Variants in PTPRM observed in about 807,000 individuals in gnomAD.
The protein encoded by PTPRM is protein tyrosine phosphatase receptor type M.
A neutral mutation model predicts 186.7 loss-of-function variants in PTPRM; 47 were observed. That is an observed-to-expected ratio of 0.25 (90% CI 0.20 to 0.32). PTPRM has a LOEUF of 0.32. Among genes scored for constraint, PTPRM ranks in the 10% least tolerant of loss-of-function variants. The pLI is 1.00. For missense variants in PTPRM, 1,494 were observed against 1,865.0 expected (o/e 0.80, Z 3.66); for synonymous variants, 668 against 674.9 (o/e 0.99, Z 0.16).
chr18:7,987,197 A>T (rs574520035), intron 7 of PTPRM, among the ~76,000 whole-genome samples: 1 of 152,294 alleles, frequency 6.6e-6, no homozygotes, highest in East Asian at 1.9e-4. Flanking sequence ...TCTACTGCCC[A>T]CAGTAGATCT....
At chr18:8,387,869 C>A (rs2095787937) in intron 31 of PTPRM, among the ~76,000 whole-genome samples, 1 of 151,696 alleles carries the variant, frequency 6.6e-6, no homozygotes, top group Non-Finnish European at 1.5e-5. Flanking sequence ...TTTGCAGGTG[C>A]TAAATATGGG....
intron 19 of PTPRM, among the ~76,000 whole-genome samples, chr18:8,256,396 A>G (rs551938618): frequency 6.6e-6 from 1 of 152,236 alleles, no homozygotes; most frequent in Admixed American, 6.5e-5. Context: ...TCTCAACCTC[A>G]AAAGGTTGTT....
At chr18:8,027,911 C>T (rs1414137502) in intron 7 of PTPRM, among the ~76,000 whole-genome samples, 2 of 152,172 alleles carry the variant, frequency 1.3e-5, no homozygotes, top group South Asian at 2.1e-4. Context: ...GTCTCTTCTC[C>T]ACGCCTCTGT....
chr18:8,387,375 G>T (rs1051521524), intron 31 of PTPRM, 140 bp downstream of exon 31: 1 of 871,270 alleles, frequency 1.1e-6, no homozygotes, highest in East Asian at 2.7e-5. Context: ...ATGACACTCA[G>T]TGAGGGATTG....
chr18:7,851,344 GTA>G (rs1357308330), intron 2 of PTPRM, among the ~76,000 whole-genome samples: 2 of 152,146 alleles, frequency 1.3e-5, no homozygotes, highest in Non-Finnish European at 2.9e-5. Context: ...AGCCACAGAT[GTA>G]AAGAAGAGTT....
intron 1 of PTPRM, among the ~76,000 whole-genome samples, chr18:7,767,065 C>T (rs975216410): frequency 6.6e-6 from 1 of 152,160 alleles, no homozygotes; most frequent in Admixed American, 6.5e-5. Context: ...GGTCTGTGTT[C>T]GCAAAATGGT....
chr18:8,121,667 G>A (rs1366344839), intron 13 of PTPRM, among the ~76,000 whole-genome samples: 4 of 152,146 alleles, frequency 2.6e-5, no homozygotes, highest in African/African-American at 7.2e-5. Flanking sequence ...AAAAAATAAA[G>A]TTCCTGAATG....
intron 7 of PTPRM, among the ~76,000 whole-genome samples, chr18:7,994,555 C>T (rs769412200): frequency 1.2e-4 from 19 of 152,098 alleles, no homozygotes; most frequent in Non-Finnish European, 2.5e-4. Context: ...GGAATTTTCT[C>T]CAGGTTACAC....
At chr18:7,729,421 T>C (rs1423649995) in intron 1 of PTPRM, among the ~76,000 whole-genome samples, 1 of 152,204 alleles carries the variant, frequency 6.6e-6, no homozygotes, top group Non-Finnish European at 1.5e-5. Context: ...AATCATGCCT[T>C]AGGCTGGTCT....
intron 5 of PTPRM, among the ~76,000 whole-genome samples, chr18:7,930,856 C>A (rs933447716): frequency 1.3e-5 from 2 of 151,962 alleles, no homozygotes; most frequent in Non-Finnish European, 2.9e-5. Flanking sequence ...CTGATGATGA[C>A]ACTAATGAAG....
intron 1 of PTPRM, among the ~76,000 whole-genome samples, chr18:7,571,513 G>T (rs1451250302): frequency 2.0e-5 from 3 of 152,118 alleles, no homozygotes; most frequent in African/African-American, 7.2e-5. Context: ...GAAGTGTTTA[G>T]TTCTACCTTA....
At chr18:8,115,332 T>A (rs1283817404) in intron 13 of PTPRM, among the ~76,000 whole-genome samples, 2 of 152,162 alleles carry the variant, frequency 1.3e-5, no homozygotes, top group Admixed American at 6.6e-5. Context: ...CTGTGGAGCA[T>A]CTATTTCCCA....
chr18:8,005,975 G>A (rs755594631), intron 7 of PTPRM, among the ~76,000 whole-genome samples: 1 of 152,122 alleles, frequency 6.6e-6, no homozygotes, highest in Non-Finnish European at 1.5e-5. Context: ...CGTGTTAAGC[G>A]GGAACCTAAT....
rs146637413 is a variant in PTPRM, at chr18:7,929,393, C to G, written c.663+2710C>G. ...TTTTCTCTTGCTGAGTCTTTTCTGACCCCTCTTGTCTTCAGTGACCATTTA... is the reference window on the plus strand; with the variant it reads ...TTTTCTCTTGCTGAGTCTTTTCTGAGCCCTCTTGTCTTCAGTGACCATTTA... On this transcript the variant is annotated intron_variant, in intron 5 of 32. Coordinates refer to ENST00000580170, the MANE Select transcript of PTPRM (RefSeq NM_001105244.2). Among the ~76,000 whole-genome samples, 33 of 152,202 alleles carry G rather than the reference C, an allele frequency of 2.2e-4. No homozygotes were observed. The East Asian group carries it at 6.0e-3, about 28-fold the overall frequency.
At chr18:7,968,378 C>A (rs540650768) in intron 7 of PTPRM, among the ~76,000 whole-genome samples, 1 of 147,330 alleles carries the variant, frequency 6.8e-6, no homozygotes, top group Non-Finnish European at 1.5e-5. Flanking sequence ...ACCATTGAGA[C>A]TAGGAAGAAA....
chr18:7,925,431 G>A (rs191349267), intron 4 of PTPRM, among the ~76,000 whole-genome samples: 40 of 152,192 alleles, frequency 2.6e-4, no homozygotes, highest in African/African-American at 9.6e-4. Flanking sequence ...GTTTTTCTTT[G>A]TTCTTTGTTC....
chr18:8,259,164 G>T (rs1336024957), intron 19 of PTPRM, among the ~76,000 whole-genome samples: 1 of 152,094 alleles, frequency 6.6e-6, no homozygotes, highest in Non-Finnish European at 1.5e-5. Context: ...ACCCAGGCTG[G>T]TCTCAAACTC....
At chr18:7,719,279 G>A (rs765894064) in intron 1 of PTPRM, among the ~76,000 whole-genome samples, 1 of 151,780 alleles carries the variant, frequency 6.6e-6, no homozygotes, top group African/African-American at 2.4e-5. Flanking sequence ...TCTAAGTGAA[G>A]TAACTCAGGA....
intron 1 of PTPRM, among the ~76,000 whole-genome samples, chr18:7,694,358 A>G (rs148427660): frequency 1.3e-5 from 2 of 152,058 alleles, no homozygotes; most frequent in Non-Finnish European, 2.9e-5. Context: ...TTTTGAACAT[A>G]CTGCCTTTGA....
Sources: gnomAD v4.1 joint callset for allele counts (sites outside exome capture counted in the v4.1 genomes callset) on GRCh38, gnomAD v4.1.1 for gene constraint, MANE v1.5 for transcripts, NCBI Gene and HGNC (gene_info 2026-07-23, HGNC 2026-07-21) for gene names.